ZFPM2: variants seen among roughly 807,000 people sequenced by gnomAD.
The protein encoded by ZFPM2 is zinc finger protein ZFPM2.
ZFPM2 carries 20 observed loss-of-function variants against 98.6 expected under a neutral mutation model. That is an observed-to-expected ratio of 0.20 (90% CI 0.14 to 0.29). The LOEUF is 0.29. Ranked by LOEUF, ZFPM2 falls within the 10% of genes least tolerant of loss-of-function variation. The pLI is 1.00. For missense variants in ZFPM2, 1,310 were observed against 1,388.6 expected (o/e 0.94, Z 0.90); for synonymous variants, 518 against 502.7 (o/e 1.03, Z -0.41).
intron 1 of ZFPM2, among the ~76,000 whole-genome samples, chr8:105,376,195 T>C (rs1177090186): frequency 6.6e-6 from 1 of 152,170 alleles, no homozygotes; most frequent in East Asian, 1.9e-4. Context: ...AGTTGACTAC[T>C]CCCTCCTTCT....
In ZFPM2 at chr8:105,634,288, A is replaced by G. The variant is rs200671886; in HGVS notation, c.463A>G (p.Lys155Glu). The G allele has an allele frequency of 4.6e-4, 746 of 1,613,040 alleles. No individual in the cohort carries two copies. The highest frequency in any genetic ancestry group is 5.9e-4 in the Non-Finnish European group (700 of 1,179,552). ...CCCAATGGTGCTGACTGCTGGTCCCAAGTGGTTGCTGGATGTGACTTGGCA... is the reference window on the plus strand; with the variant it reads ...CCCAATGGTGCTGACTGCTGGTCCCGAGTGGTTGCTGGATGTGACTTGGCA... ...QVPMVLTAGP[K>E]WLLDVTWQGV... is the part of the protein sequence containing the mutation. The change falls in exon 5 of 8, where the codon AAG (lysine) becomes GAG (glutamate). Residue 155 changes from lysine to glutamate, a missense_variant. Physicochemically the swap from Lys to Glu is moderately conservative, Grantham distance 56. Transcript: ENST00000407775.
intron 2 of ZFPM2, among the ~76,000 whole-genome samples, chr8:105,436,221 T>A (rs1392375875): frequency 1.3e-5 from 2 of 152,162 alleles, no homozygotes; most frequent in East Asian, 3.9e-4. Flanking sequence ...TTAACCATTT[T>A]ATTTTAATAT....
At chr8:105,502,227 G>C (rs1390875824) in intron 3 of ZFPM2, among the ~76,000 whole-genome samples, 1 of 151,968 alleles carries the variant, frequency 6.6e-6, no homozygotes, top group African/African-American at 2.4e-5. Flanking sequence ...TAAAATATAT[G>C]AATTATTGAA....
chr8:105,403,990 TAAAACAACA>T (rs1297578963), intron 1 of ZFPM2, among the ~76,000 whole-genome samples: 3 of 127,660 alleles, frequency 2.3e-5, no homozygotes, highest in Non-Finnish European at 3.3e-5. Flanking sequence ...TTATTGGTGT[TAAAACAACA>T]ACAACAACAA....
At chr8:105,771,163 C>T (rs1812971560) in intron 5 of ZFPM2, among the ~76,000 whole-genome samples, 1 of 152,120 alleles carries the variant, frequency 6.6e-6, no homozygotes, top group African/African-American at 2.4e-5. Context: ...TCACTCCTTC[C>T]TGTACCCTGA....
intron 4 of ZFPM2, among the ~76,000 whole-genome samples, chr8:105,611,367 T>C (rs757801609): frequency 6.6e-6 from 1 of 152,198 alleles, no homozygotes; most frequent in African/African-American, 2.4e-5. Flanking sequence ...TTCCTTCATA[T>C]CAATTCAGTC....
chr8:105,431,590 G>A (rs1426236091), intron 2 of ZFPM2, among the ~76,000 whole-genome samples: 2 of 152,106 alleles, frequency 1.3e-5, no homozygotes, highest in Non-Finnish European at 2.9e-5. Flanking sequence ...GTTTGATCTA[G>A]TGAGGAAGGT....
chr8:105,579,444 T>C (rs1815539375), intron 4 of ZFPM2, among the ~76,000 whole-genome samples: 1 of 152,132 alleles, frequency 6.6e-6, no homozygotes, highest in African/African-American at 2.4e-5. Flanking sequence ...GATTATTGTC[T>C]TTGGTTCTTG....
chr8:105,798,745 C>A lies in ZFPM2; in HGVS notation c.761C>A (p.Ser254Tyr), dbSNP rs1477755260. ...GCAGAGGATATATTCCCTTGCAAGT[C>A]CTGTGGCATCTGGTATCGGAGTGAG... The part of the protein sequence containing the change: ...IVNKDIFPCK[S>Y]CGIWYRSERN... The change falls in exon 7 of 8, where the codon TCC (serine) becomes TAC (tyrosine). Residue 254 changes from serine (S) to tyrosine (Y), a missense_variant. By Grantham distance (144) the Ser-to-Tyr change is moderately radical. Transcript: ENST00000407775. 1.2e-6 allele frequency: 2 copies of A among 1,613,706 alleles called. No individual in the cohort carries two copies. The highest frequency in any genetic ancestry group is 3.3e-5 in the Admixed American group (2 of 59,976).
At chr8:105,800,183 C>A (rs1813959122) in intron 7 of ZFPM2, among the ~76,000 whole-genome samples, 1 of 152,074 alleles carries the variant, frequency 6.6e-6, no homozygotes, top group Admixed American at 6.6e-5. Flanking sequence ...GACTAGGTAC[C>A]TCTGCCATGT....
chr8:105,446,238 A>C (rs751071819), intron 3 of ZFPM2, among the ~76,000 whole-genome samples: 4 of 152,136 alleles, frequency 2.6e-5, no homozygotes, highest in Non-Finnish European at 4.4e-5. Flanking sequence ...TTATTCATAG[A>C]ATTAAGTATG....
chr8:105,620,772 C>T (rs1351067137), intron 4 of ZFPM2, among the ~76,000 whole-genome samples: 1 of 152,034 alleles, frequency 6.6e-6, no homozygotes, highest in African/African-American at 2.4e-5. Context: ...TTCCCAGCAC[C>T]ATTTATTAAA....
intron 3 of ZFPM2, among the ~76,000 whole-genome samples, chr8:105,492,612 T>C (rs1213543629): frequency 1.3e-5 from 2 of 152,066 alleles, no homozygotes; most frequent in Admixed American, 6.6e-5. Flanking sequence ...TGTAAAGAAA[T>C]AGTGTGAGAT....
intron 2 of ZFPM2, among the ~76,000 whole-genome samples, chr8:105,426,166 C>T (rs1044604915): frequency 6.6e-6 from 1 of 152,108 alleles, no homozygotes; most frequent in African/African-American, 2.4e-5. Flanking sequence ...TTACAGGCAA[C>T]TTTTTTCCTT....
chr8:105,492,349 A>G (rs1813371865), intron 3 of ZFPM2, among the ~76,000 whole-genome samples: 1 of 152,190 alleles, frequency 6.6e-6, no homozygotes, highest in African/African-American at 2.4e-5. Context: ...TTGAAACTCC[A>G]CTAAAGGTAA....
At chr8:105,644,121 T>C (rs1201435984) in intron 5 of ZFPM2, among the ~76,000 whole-genome samples, 3 of 152,116 alleles carry the variant, frequency 2.0e-5, no homozygotes, top group Non-Finnish European at 2.9e-5. Flanking sequence ...TTATATGATC[T>C]GCTCTTGGAT....
At chr8:105,769,641 G>T (rs1012533840) in intron 5 of ZFPM2, among the ~76,000 whole-genome samples, 6 of 151,960 alleles carry the variant, frequency 3.9e-5, no homozygotes, top group African/African-American at 1.4e-4. Context: ...CCTTGATCAT[G>T]AACTTGTGTT....
chr8:105,485,202 G>A (rs763966675), intron 3 of ZFPM2, among the ~76,000 whole-genome samples: 1 of 152,134 alleles, frequency 6.6e-6, no homozygotes, highest in Non-Finnish European at 1.5e-5. Context: ...AAATGCCCAG[G>A]GTAACCAACG....
intron 1 of ZFPM2, among the ~76,000 whole-genome samples, chr8:105,391,851 T>G (rs1811115683): frequency 6.6e-6 from 1 of 152,208 alleles, no homozygotes; most frequent in African/African-American, 2.4e-5. Context: ...AGAGTTGGAA[T>G]CAACTTCCTC....
Sources: allele counts gnomAD v4.1 joint callset (sites outside exome capture counted in the v4.1 genomes callset), GRCh38; gene constraint gnomAD v4.1.1; transcripts MANE v1.5; gene names NCBI Gene and HGNC (gene_info 2026-07-23, HGNC 2026-07-21).